Variants in PPP1R9A observed in about 807,000 individuals in gnomAD.
The protein encoded by PPP1R9A is neurabin-1.
In PPP1R9A, 59 loss-of-function variants were observed where a neutral mutation model predicts 141.9. That is an observed-to-expected ratio of 0.42 (90% CI 0.34 to 0.52). The LOEUF (loss-of-function observed/expected upper bound fraction) is 0.52, where lower values mean the gene tolerates loss of function less well. PPP1R9A is among the 20% of genes least tolerant of loss of function. The probability of loss-of-function intolerance (pLI) is 0.10; values close to 1 mark genes in which losing one functional copy is unlikely to be tolerated. For synonymous variants in PPP1R9A, 500 were observed against 569.7 expected (o/e 0.88, Z 1.74); for missense variants, 1,444 against 1,611.9 (o/e 0.90, Z 1.78).
At chr7:95,080,357 A>C (rs1815610520) in intron 2 of PPP1R9A, among the ~76,000 whole-genome samples, 1 of 151,910 alleles carries the variant, frequency 6.6e-6, no homozygotes, top group African/African-American at 2.4e-5. Flanking sequence ...AAAGAGAATA[A>C]AATACCTAGG....
At chr7:94,995,829 C>T (rs1049307703) in intron 2 of PPP1R9A, among the ~76,000 whole-genome samples, 3 of 152,074 alleles carry the variant, frequency 2.0e-5, no homozygotes, top group African/African-American at 7.2e-5. Context: ...TGCTTCTTTA[C>T]ATTTCTGAGA....
chr7:95,226,023 C>A lies in PPP1R9A; in HGVS notation c.2019C>A (p.Asp673Glu), dbSNP rs1795101147. The change falls in exon 8 of 20, where the codon GAC becomes GAA. Residue 673 changes from aspartate (D) to glutamate (E), a missense_variant. This residue lies in a region of PPP1R9A where 488 missense variants were observed against 542.0 expected (regional missense o/e 0.90). Transcript: ENST00000433360. ...TAGGACCTGTCCTTCCTGGCAGCGA[C>A]ATGGCCATTGAAGTCTTTGAGCTGC... is the stretch of plus-strand genomic sequence containing the variant. ...DEVGPVLPGS[D>E]MAIEVFELPE... 1 of 1,613,578 alleles carries A rather than the reference C, an allele frequency of 6.2e-7. No individual in the cohort carries two copies. Among genetic ancestry groups the A allele is most frequent in the East Asian group, 2.2e-5 (1 of 44,868 alleles).
chr7:94,977,642 A>G (rs1250018063), intron 2 of PPP1R9A, among the ~76,000 whole-genome samples: 1 of 152,144 alleles, frequency 6.6e-6, no homozygotes, highest in Admixed American at 6.5e-5. Flanking sequence ...GACAATTGAC[A>G]ATGAGTTCCT....
chr7:94,947,613 AGGGACAAGAAACTTTC>A (rs1480487749), intron 2 of PPP1R9A, among the ~76,000 whole-genome samples: 1 of 152,132 alleles, frequency 6.6e-6, no homozygotes, highest in East Asian at 1.9e-4. Flanking sequence ...ACATGCTAGA[AGGGACAAGAAACTTTC>A]AGAACCTGTA....
Position 94,910,281 on chromosome 7 carries a change from G to A in PPP1R9A, c.168G>A (p.Gly56=), listed in dbSNP as rs549671736. ...GTGAGGGCTCCCAGCAGAGCAGGGG[G>A]AGGAAATATGGCTCCAATGTCAACA... ...KEGEGSQQSR[G]RKYGSNVNRI... is the part of the protein sequence containing the mutation. The change falls in exon 2 of 20, where the codon GGG becomes GGA. Residue 56 remains glycine, a synonymous_variant. Coordinates refer to ENST00000433360, the MANE Select transcript of PPP1R9A (RefSeq NM_001166160.2). The surrounding 1 kb of genome is among the most constrained non-coding windows in gnomAD (Gnocchi z 4.5). The A allele has an allele frequency of 6.2e-7, 1 of 1,614,070 alleles. No individual in the cohort carries two copies. The highest frequency in any genetic ancestry group is 1.1e-5 in the South Asian group (1 of 91,058).
chr7:94,981,900 G>A lies in PPP1R9A; in HGVS notation c.1395+70392G>A, dbSNP rs922703036. On this transcript the variant is annotated intron_variant, in intron 2 of 19. Transcript: ENST00000433360. ...GCAGGTTTGTTGCATATGTATACACGTGCCATGTTGGTTTGCCGCACCCAT... is the reference window on the plus strand; with the variant it reads ...GCAGGTTTGTTGCATATGTATACACATGCCATGTTGGTTTGCCGCACCCAT... Among the ~76,000 whole-genome samples the A allele has an allele frequency of 6.6e-4, 100 of 151,902 alleles. 1 individual carries two copies. Among genetic ancestry groups the A allele is most frequent in the Admixed American group, 6.5e-3 (99 of 15,254 alleles).
At chr7:94,998,131 T>A (rs936926664) in intron 2 of PPP1R9A, among the ~76,000 whole-genome samples, 2 of 152,244 alleles carry the variant, frequency 1.3e-5, no homozygotes, top group South Asian at 4.1e-4. Context: ...TGAGGTTGTT[T>A]ATTTTTCTTG....
chr7:95,218,935 G>T (rs1013404244), intron 7 of PPP1R9A, among the ~76,000 whole-genome samples: 1 of 152,092 alleles, frequency 6.6e-6, no homozygotes, highest in African/African-American at 2.4e-5. Flanking sequence ...TTGCCAGTCT[G>T]TGTCTTTTAA....
intron 2 of PPP1R9A, among the ~76,000 whole-genome samples, chr7:95,021,220 G>T (rs1352116088): frequency 6.6e-6 from 1 of 152,052 alleles, no homozygotes; most frequent in African/African-American, 2.4e-5. Context: ...TTTCTCTAAT[G>T]ACCAGTGATG....
At chr7:95,278,380 A>G (rs913741409) in intron 16 of PPP1R9A, among the ~76,000 whole-genome samples, 8 of 152,180 alleles carry the variant, frequency 5.3e-5, no homozygotes, top group African/African-American at 1.9e-4. Flanking sequence ...ATGTCAAAAT[A>G]ATATTTTGGG....
At chr7:95,279,720 T>C (rs1803817627) in intron 16 of PPP1R9A, among the ~76,000 whole-genome samples, 1 of 152,224 alleles carries the variant, frequency 6.6e-6, no homozygotes, top group South Asian at 2.1e-4. Context: ...TGTTAAAAAC[T>C]CAAATTTAAA....
chr7:95,118,230 A>T (rs980333169), intron 3 of PPP1R9A, among the ~76,000 whole-genome samples: 2 of 152,214 alleles, frequency 1.3e-5, no homozygotes, highest in Non-Finnish European at 2.9e-5. Flanking sequence ...CTGTGGCGAA[A>T]CTTTAAAACT....
At chr7:94,940,089 A>G (rs1005068815) in intron 2 of PPP1R9A, among the ~76,000 whole-genome samples, 21 of 152,086 alleles carry the variant, frequency 1.4e-4, no homozygotes, top group Admixed American at 1.4e-3. Flanking sequence ...TTCTATGGAA[A>G]AGAATTTGAA....
At chr7:95,144,705 A>T (rs1320780343) in intron 4 of PPP1R9A, among the ~76,000 whole-genome samples, 1 of 152,316 alleles carries the variant, frequency 6.6e-6, no homozygotes, top group Non-Finnish European at 1.5e-5. Flanking sequence ...CTTGCCACTT[A>T]TCAACATAGT....
intron 3 of PPP1R9A, among the ~76,000 whole-genome samples, chr7:95,119,736 G>A (rs539014907): frequency 6.6e-6 from 1 of 152,134 alleles, no homozygotes; most frequent in African/African-American, 2.4e-5. Context: ...TTACAGACGT[G>A]AGCCACTGTG....
chr7:94,953,263 G>A (rs565738858), intron 2 of PPP1R9A, among the ~76,000 whole-genome samples: 3 of 152,172 alleles, frequency 2.0e-5, no homozygotes, highest in Non-Finnish European at 4.4e-5. Flanking sequence ...AGATCAGATG[G>A]TTGTAGATGT....
At chr7:95,057,424 CA>C (rs1811652454) in intron 2 of PPP1R9A, among the ~76,000 whole-genome samples, 1 of 152,048 alleles carries the variant, frequency 6.6e-6, no homozygotes. Flanking sequence ...AATGTGACAT[CA>C]AAAGCTGATG....
At chr7:95,143,150 T>A (rs1827002925) in intron 4 of PPP1R9A, among the ~76,000 whole-genome samples, 2 of 152,136 alleles carry the variant, frequency 1.3e-5, no homozygotes, top group African/African-American at 4.8e-5. Context: ...TAGCTGCCCA[T>A]ATTATTCCAA....
At chr7:95,258,885 A>C (rs1800007370) in intron 12 of PPP1R9A, among the ~76,000 whole-genome samples, 1 of 152,206 alleles carries the variant, frequency 6.6e-6, no homozygotes, top group South Asian at 2.1e-4. Context: ...TTATCCATTA[A>C]AATAGAAGAT....
Sources: allele counts gnomAD v4.1 joint callset (sites outside exome capture counted in the v4.1 genomes callset), GRCh38; gene constraint gnomAD v4.1.1; regional missense constraint gnomAD v4.1.1; non-coding constraint Gnocchi (gnomAD v3.1); transcripts MANE v1.5; gene names NCBI Gene and HGNC (gene_info 2026-07-23, HGNC 2026-07-21).